CORO1C: variants seen among roughly 807,000 people sequenced by gnomAD.
CORO1C encodes the protein coronin-1C.
A neutral mutation model predicts 51.2 loss-of-function variants in CORO1C; 14 were observed. That is an observed-to-expected ratio of 0.27 (90% CI 0.18 to 0.43). The LOEUF (loss-of-function observed/expected upper bound fraction) is 0.43. Ranked by LOEUF, CORO1C falls within the 20% of genes least tolerant of loss-of-function variation. The pLI is 1.00. For missense variants in CORO1C, 417 were observed against 607.8 expected (o/e 0.69, Z 3.30); for synonymous variants, 181 against 210.5 (o/e 0.86, Z 1.21).
At chr12:108,659,598 C>T (rs1432065263) in intron 4 of CORO1C, among the ~76,000 whole-genome samples, 1 of 152,194 alleles carries the variant, frequency 6.6e-6, no homozygotes, top group Non-Finnish European at 1.5e-5. Flanking sequence ...GCTTTCTGCA[C>T]TTGGTGGTAG....
chr12:108,687,925 T>C (rs1234865509), intron 2 of CORO1C, among the ~76,000 whole-genome samples: 1 of 65,866 alleles, frequency 1.5e-5, no homozygotes, highest in African/African-American at 4.0e-5. Context: ...CCTCTGACCC[T>C]TTTTTTTTTT....
intron 2 of CORO1C, among the ~76,000 whole-genome samples, chr12:108,689,694 G>C (rs1379644192): frequency 6.6e-6 from 1 of 152,184 alleles, no homozygotes; most frequent in Non-Finnish European, 1.5e-5. Flanking sequence ...TACATGACCT[G>C]ACTCAAAGAA....
chr12:108,689,517 C>T (rs766270213), intron 2 of CORO1C, among the ~76,000 whole-genome samples: 9 of 152,210 alleles, frequency 5.9e-5, no homozygotes, highest in African/African-American at 1.9e-4. Flanking sequence ...GCTTTCTACA[C>T]GGTTTCCCTT....
chr12:108,728,907 A>G (rs899971348), intron 1 of CORO1C, among the ~76,000 whole-genome samples: 1 of 152,218 alleles, frequency 6.6e-6, no homozygotes, highest in Admixed American at 6.5e-5. Flanking sequence ...AACAAGCTTA[A>G]GAGGTTTTAT....
intron 2 of CORO1C, among the ~76,000 whole-genome samples, 161 bp from the exon 3 acceptor site, chr12:108,678,555 A>G (rs1308319793): frequency 6.6e-6 from 1 of 152,224 alleles, no homozygotes; most frequent in Non-Finnish European, 1.5e-5. Context: ...AGAAAAAGCC[A>G]CTACCAAGGA....
Position 108,678,318 on chromosome 12 carries a change from T to A in CORO1C, c.272A>T (p.His91Leu), listed in dbSNP as rs146817658. The change falls in exon 3 of 11, where the codon CAT (histidine) becomes CTT (leucine). Residue 91 changes from histidine to leucine, a missense_variant. Coordinates refer to ENST00000261401, the MANE Select transcript of CORO1C (RefSeq NM_014325.4). ...GPVLDIDWCP[H>L]NDQVIASGSE... ...ACCGCTGGCAATGACCTGATCGTTA[T>A]GTGGGCACCAGTCTATGTCCAGCAC... 3.7e-6 allele frequency: 6 copies of A among 1,613,442 alleles called. No individual in the cohort carries two copies. The African/African-American group carries it at 8.0e-5, about 22-fold the overall frequency.
chr12:108,725,729 C>A (rs1158470852), intron 1 of CORO1C, among the ~76,000 whole-genome samples: 7 of 152,226 alleles, frequency 4.6e-5, no homozygotes, highest in African/African-American at 1.7e-4. Flanking sequence ...CAAGCTTTAA[C>A]GAACACACAA....
chr12:108,656,278 G>T (rs1475835917), intron 6 of CORO1C, among the ~76,000 whole-genome samples: 1 of 149,182 alleles, frequency 6.7e-6, no homozygotes, highest in African/African-American at 2.5e-5. Flanking sequence ...CACCCCGTCC[G>T]GGAGGGAGGT....
chr12:108,696,597 C>T (rs2034695014), intron 2 of CORO1C, among the ~76,000 whole-genome samples: 1 of 152,180 alleles, frequency 6.6e-6, no homozygotes, highest in Admixed American at 6.5e-5. Flanking sequence ...AACCTGTGTG[C>T]TCTTGAGACA....
chr12:108,682,774 C>A (rs2034168509), intron 2 of CORO1C, among the ~76,000 whole-genome samples: 1 of 152,034 alleles, frequency 6.6e-6, no homozygotes, highest in African/African-American at 2.4e-5. Context: ...TAGGAGACCA[C>A]AAAGCAAATC....
chr12:108,661,983 C>T, intron 4 of CORO1C, 46 bp downstream of exon 4: 4 of 1,610,712 alleles, frequency 2.5e-6, no homozygotes, highest in African/African-American at 1.3e-5. Context: ...CTCAGAGAGC[C>T]ACAAGAGTGG....
chr12:108,722,457 G>A (rs940223311), intron 1 of CORO1C, among the ~76,000 whole-genome samples: 2 of 152,200 alleles, frequency 1.3e-5, no homozygotes, highest in African/African-American at 2.4e-5. Context: ...TGCACAGGGA[G>A]GCTCCTGGGG....
intron 1 of CORO1C, among the ~76,000 whole-genome samples, chr12:108,728,149 C>G (rs2035633579): frequency 6.6e-6 from 1 of 152,092 alleles, no homozygotes; most frequent in Non-Finnish European, 1.5e-5. Flanking sequence ...GGCCATTCCT[C>G]CAATAGTTAA....
At chr12:108,707,708 G>C (rs1371196586) in intron 1 of CORO1C, among the ~76,000 whole-genome samples, 1 of 152,154 alleles carries the variant, frequency 6.6e-6, no homozygotes, top group Admixed American at 6.5e-5. Flanking sequence ...CTCATAGAAT[G>C]GGAGAAAACT....
At position 108,647,383 on chromosome 12, in the gene CORO1C, TAGGGG is replaced by T. The variant is rs1592835278; in HGVS notation, c.*15_*19del. 6.3e-7 allele frequency: 1 copy of T among 1,593,738 alleles called. No individual in the cohort carries two copies. Among genetic ancestry groups the T allele is most frequent in the Non-Finnish European group, 8.6e-7 (1 of 1,169,182 alleles). The stretch of plus-strand genomic sequence containing the variant: ...CAAGTTCTTGCTCCCATTTTTTCTG[TAGGGG>T]TGGGGGTGGGACCTTCAGGCTGCTA... On this transcript the variant is annotated 3_prime_UTR_variant, in exon 11 of 11. Coordinates refer to ENST00000261401, the MANE Select transcript of CORO1C (RefSeq NM_014325.4).
intron 2 of CORO1C, among the ~76,000 whole-genome samples, chr12:108,680,516 TGCCCA>T (rs2136836531): frequency 6.6e-6 from 1 of 152,348 alleles, no homozygotes; most frequent in Non-Finnish European, 1.5e-5. Context: ...AGAACCAGAC[TGCCCA>T]GAGTGTAGTC....
At chr12:108,651,271 T>C (rs73406576) in intron 8 of CORO1C, among the ~76,000 whole-genome samples, 4,668 of 152,306 alleles carry the variant, frequency 0.031, 239 homozygotes, top group African/African-American at 0.11. Context: ...CACAAATGTT[T>C]GGTACGACCT....
At chr12:108,687,810 A>ACCTC (rs2034352194) in intron 2 of CORO1C, among the ~76,000 whole-genome samples, 2 of 152,160 alleles carry the variant, frequency 1.3e-5, no homozygotes, top group African/African-American at 4.8e-5. Context: ...TTTAATTAAA[A>ACCTC]TTAAAAAAAG....
chr12:108,681,732 C>T (rs1471509453), intron 2 of CORO1C, among the ~76,000 whole-genome samples: 3 of 152,016 alleles, frequency 2.0e-5, no homozygotes, highest in Non-Finnish European at 4.4e-5. Context: ...CAAAGAATTG[C>T]TATATTAATT....
Sources: gnomAD v4.1 joint callset for allele counts (sites outside exome capture counted in the v4.1 genomes callset) on GRCh38, gnomAD v4.1.1 for gene constraint, MANE v1.5 for transcripts, NCBI Gene and HGNC (gene_info 2026-07-23, HGNC 2026-07-21) for gene names.